The following NFIX variants were observed in gnomAD, a reference collection of about 807,000 sequenced individuals.
The protein encoded by NFIX is nuclear factor I X, also known as nuclear factor 1 X-type.
Under a neutral mutation model 53.3 loss-of-function variants are expected in NFIX, and 2 were observed. That is an observed-to-expected ratio of 0.04 (90% CI 0.02 to 0.12). NFIX has a LOEUF of 0.12. NFIX is among the 10% of genes least tolerant of loss of function. The probability of loss-of-function intolerance (pLI) is 1.00; values close to 1 mark genes in which losing one functional copy is unlikely to be tolerated. For synonymous variants in NFIX, 244 were observed against 289.0 expected, an observed-to-expected ratio of 0.84 and a Z score of 1.58; for missense variants, 310 against 674.5, an observed-to-expected ratio of 0.46 and a Z score of 5.99.
At chr19:13,020,758 C>T (rs949208052) in intron 1 of NFIX, among the ~76,000 whole-genome samples, 5 of 152,176 alleles carry the variant, frequency 3.3e-5, no homozygotes, top group African/African-American at 4.8e-5. Flanking sequence ...CTCCGCCAGT[C>T]CGTGGAGTTT....
chr19:13,009,516 C>T lies in NFIX; in HGVS notation c.27+13652C>T, dbSNP rs1342957848. Among the ~76,000 whole-genome samples, 1 of 152,174 alleles carries T rather than the reference C, an allele frequency of 6.6e-6. No individual in the cohort carries two copies. Among genetic ancestry groups the T allele is most frequent in the Non-Finnish European group, 1.5e-5 (1 of 68,036 alleles). Reference sequence around the variant, plus strand: ...AAACAGGTTCACTCCAGCTTTTCATCCCCCTTCTGGCCACCTGAGGCTCCT... The same window carrying T: ...AAACAGGTTCACTCCAGCTTTTCATTCCCCTTCTGGCCACCTGAGGCTCCT... On this transcript the variant is annotated intron_variant, in intron 1 of 10. Transcript: ENST00000592199. This position sits in a 1 kb window ranked among gnomAD's most constrained non-coding sequence, Gnocchi z 4.7.
chr19:13,028,206 C>T lies in NFIX; in HGVS notation c.559+2654C>T, dbSNP rs2013521621. On this transcript the variant is annotated intron_variant, in intron 2 of 10. Transcript: ENST00000592199. The surrounding 1 kb of genome is among the most constrained non-coding windows in gnomAD (Gnocchi z 4.2). ...ACCACTTTCTCCATGCCCATGCCTGCCAGGCACACTCAGCAGAGCTGCCAC... is the reference window on the plus strand; with the variant it reads ...ACCACTTTCTCCATGCCCATGCCTGTCAGGCACACTCAGCAGAGCTGCCAC... Among the ~76,000 whole-genome samples, 1 of 152,254 alleles carries T rather than the reference C, an allele frequency of 6.6e-6. No individual in the cohort carries two copies. The highest frequency in any genetic ancestry group is 2.4e-5 in the African/African-American group (1 of 41,466).
chr19:13,041,235 T>C (rs1295734611), intron 2 of NFIX, among the ~76,000 whole-genome samples: 1 of 152,178 alleles, frequency 6.6e-6, no homozygotes, highest in Non-Finnish European at 1.5e-5. Flanking sequence ...GATTATGTTG[T>C]TCTATGATTT....
intron 2 of NFIX, among the ~76,000 whole-genome samples, chr19:13,038,304 GGC>G (rs1404082211): frequency 1.3e-5 from 2 of 152,176 alleles, no homozygotes; most frequent in Non-Finnish European, 2.9e-5. Flanking sequence ...GTTTCTAAAA[GGC>G]AAAGCCTGCC....
intron 8 of NFIX, among the ~76,000 whole-genome samples, chr19:13,085,202 G>T (rs922260467): frequency 6.6e-6 from 1 of 152,152 alleles, no homozygotes; most frequent in Non-Finnish European, 1.5e-5. Context: ...CTGTACCCCA[G>T]TCAGAGCTGA....
At position 13,006,750 on chromosome 19, in the gene NFIX, T is replaced by C. The variant is rs755215642; in HGVS notation, c.27+10886T>C. Among the ~76,000 whole-genome samples the C allele has an allele frequency of 6.6e-6, 1 of 152,172 alleles. No individual in the cohort carries two copies. Among genetic ancestry groups the C allele is most frequent in the Non-Finnish European group, 1.5e-5 (1 of 68,010 alleles). ...CCCCAACTCCCACCAGGGCCCCAGATTCTCTCCACCCCCAAAGCTCCAGGC... is the reference window on the plus strand; with the variant it reads ...CCCCAACTCCCACCAGGGCCCCAGACTCTCTCCACCCCCAAAGCTCCAGGC... On this transcript the variant is annotated intron_variant, in intron 1 of 10. Transcript: ENST00000592199. This position sits in a 1 kb window ranked among gnomAD's most constrained non-coding sequence, Gnocchi z 5.6.
chr19:13,042,150 C>T (rs2014677481), intron 2 of NFIX, among the ~76,000 whole-genome samples: 1 of 151,834 alleles, frequency 6.6e-6, no homozygotes, highest in South Asian at 2.1e-4. Flanking sequence ...TCGTGATCCG[C>T]CTGCCTTGGC....
chr19:13,084,797 C>T (rs1027128112), intron 8 of NFIX, among the ~76,000 whole-genome samples: 9 of 151,794 alleles, frequency 5.9e-5, no homozygotes, highest in Non-Finnish European at 1.0e-4. Flanking sequence ...TGGTCGGGCG[C>T]GGTGGCTTAT....
intron 2 of NFIX, among the ~76,000 whole-genome samples, chr19:13,039,228 C>CCCCCCACA (rs796212249): frequency 6.9e-6 from 1 of 144,524 alleles, no homozygotes; most frequent in Non-Finnish European, 1.5e-5. Context: ...ACACCCCCCC[C>CCCCCCACA]CACACACACA....
chr19:13,067,477 TGTGTGC>T lies in NFIX; in HGVS notation c.560-5564_560-5559del, dbSNP rs1413309833. ...GTGTGTGCGCGCGTGTGTGTGTGTGTGTGTGCGTGTGTGTGTGTGTGTGTGTGTATG... is the reference window on the plus strand; with the variant it reads ...GTGTGTGCGCGCGTGTGTGTGTGTGTGTGTGTGTGTGTGTGTGTGTGTATG... On this transcript the variant is annotated intron_variant, in intron 2 of 10. Coordinates refer to ENST00000592199, the MANE Select transcript of NFIX (RefSeq NM_001365902.3). This position sits in a 1 kb window ranked among gnomAD's most constrained non-coding sequence, Gnocchi z 4.2. 1.2e-4 allele frequency among the ~76,000 whole-genome samples: 11 copies of T among 91,814 alleles called. No individual in the cohort carries two copies. The highest frequency in any genetic ancestry group is 7.2e-4 in the African/African-American group (11 of 15,380). 60.2% of individuals were successfully genotyped at this position (91,814 alleles called of 152,430 possible). A position where few individuals can be genotyped will look rare whatever the true frequency, so the allele number is the denominator to read the frequency against.
chr19:13,058,597 C>T (rs912353709), intron 2 of NFIX, among the ~76,000 whole-genome samples: 2 of 151,314 alleles, frequency 1.3e-5, no homozygotes, highest in African/African-American at 4.8e-5. Flanking sequence ...TTTAGGAGAG[C>T]TAGGAGGGTC....
At position 13,021,464 on chromosome 19, in the gene NFIX, C is replaced by A. The variant is rs2012950634; in HGVS notation, c.28-3557C>A. Among the ~76,000 whole-genome samples the A allele has an allele frequency of 6.6e-6, 1 of 152,094 alleles. No individual in the cohort carries two copies. The highest frequency in any genetic ancestry group is 2.1e-4 in the South Asian group (1 of 4,820). On this transcript the variant is annotated intron_variant, in intron 1 of 10. Coordinates refer to ENST00000592199, the MANE Select transcript of NFIX (RefSeq NM_001365902.3). This position sits in a 1 kb window ranked among gnomAD's most constrained non-coding sequence, Gnocchi z 4.2. ...ATGCCCCAGGTGCTCTTCCGGGAACCTTTCTGCCAACATAAAGGCCACAAA... is the reference window on the plus strand; with the variant it reads ...ATGCCCCAGGTGCTCTTCCGGGAACATTTCTGCCAACATAAAGGCCACAAA...
intron 2 of NFIX, among the ~76,000 whole-genome samples, chr19:13,035,222 A>G (rs1184435990): frequency 1.3e-5 from 2 of 152,196 alleles, no homozygotes; most frequent in Non-Finnish European, 2.9e-5. Context: ...ATGTCGACTG[A>G]ACCTCTGAGC....
Position 13,094,783 on chromosome 19 carries a change from A to G in NFIX, c.*134A>G, listed in dbSNP as rs924543987. On this transcript the variant is annotated 3_prime_UTR_variant, in exon 11 of 11. Coordinates refer to ENST00000592199, the MANE Select transcript of NFIX (RefSeq NM_001365902.3). This position sits in a 1 kb window ranked among gnomAD's most constrained non-coding sequence, Gnocchi z 4.3. ...AAGCAAAAATTACACGTCGTCAGCC[A>G]CTCAGCCCTTCTCTCCTCCAGCCCG... 3.3e-5 allele frequency: 31 copies of G among 940,448 alleles called. No individual in the cohort carries two copies. The highest frequency in any genetic ancestry group is 3.8e-5 in the Non-Finnish European group (24 of 623,852). 58.3% of individuals were successfully genotyped at this position (940,448 alleles called of 1,614,324 possible). A position where few individuals can be genotyped will look rare whatever the true frequency, so the allele number is the denominator to read the frequency against.
rs978115553 is a variant in NFIX at position 13,060,037 on chromosome 19, C to T, written c.560-13010C>T. 6.6e-6 allele frequency among the ~76,000 whole-genome samples: 1 copy of T among 152,114 alleles called. No homozygotes were observed. The highest frequency in any genetic ancestry group is 1.5e-5 in the Non-Finnish European group (1 of 68,008). ...TCCTGAGCTCAGGCGATCCACTCGC[C>T]TCAGCCTCTCAAAGTGCTGAGATTA... On this transcript the variant is annotated intron_variant, in intron 2 of 10. Transcript: ENST00000592199. This position sits in a 1 kb window ranked among gnomAD's most constrained non-coding sequence, Gnocchi z 4.3.
Position 13,011,689 on chromosome 19 carries a change from G to A in NFIX, c.28-13332G>A, listed in dbSNP as rs950421186. ...GCTGGGCTGCACCCCATGTTGGCAC[G>A]AACACTCCCTCCCCAGTGCCTCTGT... is the stretch of plus-strand genomic sequence containing the variant. On this transcript the variant is annotated intron_variant, in intron 1 of 10. Coordinates refer to ENST00000592199, the MANE Select transcript of NFIX (RefSeq NM_001365902.3). The surrounding 1 kb of genome is among the most constrained non-coding windows in gnomAD (Gnocchi z 6.5). Among the ~76,000 whole-genome samples, 1 of 152,134 alleles carries A rather than the reference G, an allele frequency of 6.6e-6. No homozygotes were observed. The highest frequency in any genetic ancestry group is 1.5e-5 in the Non-Finnish European group (1 of 68,014).
At position 13,021,117 on chromosome 19, in the gene NFIX, G is replaced by A. The variant is rs2012939005; in HGVS notation, c.28-3904G>A. 1.3e-5 allele frequency among the ~76,000 whole-genome samples: 2 copies of A among 152,146 alleles called. No individual in the cohort carries two copies. Among genetic ancestry groups the A allele is most frequent in the Non-Finnish European group, 2.9e-5 (2 of 68,030 alleles). On this transcript the variant is annotated intron_variant, in intron 1 of 10. Coordinates refer to ENST00000592199, the MANE Select transcript of NFIX (RefSeq NM_001365902.3). This position sits in a 1 kb window ranked among gnomAD's most constrained non-coding sequence, Gnocchi z 4.2. The stretch of plus-strand genomic sequence containing the variant: ...TTTTAATGACCTCATCTTGACTTTA[G>A]AAGGTAAAATTGTTTCCACAAGGTG...
Position 13,049,813 on chromosome 19 carries a change from C to T in NFIX, c.560-23234C>T, listed in dbSNP as rs978942808. On this transcript the variant is annotated intron_variant, in intron 2 of 10. Coordinates refer to ENST00000592199, the MANE Select transcript of NFIX (RefSeq NM_001365902.3). The surrounding 1 kb of genome is among the most constrained non-coding windows in gnomAD (Gnocchi z 4.5). ...TTCACCATATTGGCCAGGCTGGTCT[C>T]GAACTCCTGATCTCGTGATCCGCTC... is the stretch of plus-strand genomic sequence containing the variant. Among the ~76,000 whole-genome samples the T allele has an allele frequency of 5.9e-5, 9 of 152,148 alleles. No homozygotes were observed. Among genetic ancestry groups the T allele is most frequent in the Middle Eastern group, 6.8e-3 (2 of 294 alleles).
intron 2 of NFIX, among the ~76,000 whole-genome samples, chr19:13,050,179 C>T (rs1181915214): frequency 6.6e-6 from 1 of 152,234 alleles, no homozygotes; most frequent in African/African-American, 2.4e-5. Context: ...GGGTTGGGCC[C>T]CTGCTGACCC....
Sources: allele counts gnomAD v4.1 joint callset (sites outside exome capture counted in the v4.1 genomes callset), GRCh38; gene constraint gnomAD v4.1.1; non-coding constraint Gnocchi (gnomAD v3.1); transcripts MANE v1.5; gene names NCBI Gene and HGNC (gene_info 2026-07-23, HGNC 2026-07-21).